Variants in CDK5RAP2 observed in about 807,000 individuals in gnomAD.
CDK5RAP2 encodes the protein CDK5 regulatory subunit associated protein 2.
A neutral mutation model predicts 232.9 loss-of-function variants in CDK5RAP2; 147 were observed. The ratio of observed to expected loss-of-function variants is 0.63; its 90% CI spans 0.55 to 0.72. CDK5RAP2 has a LOEUF of 0.72. CDK5RAP2 is among the 30% of genes least tolerant of loss of function. CDK5RAP2 has a pLI of 0.00. For synonymous variants in CDK5RAP2, 833 were observed against 833.7 expected, an observed-to-expected ratio of 1.00 and a Z score of 0.01; for missense variants, 2,195 against 2,231.5, an observed-to-expected ratio of 0.98 and a Z score of 0.33.
At chr9:120,478,505 C>T (rs186832926) in intron 14 of CDK5RAP2, among the ~76,000 whole-genome samples, 135 of 152,308 alleles carry the variant, frequency 8.9e-4, no homozygotes, top group African/African-American at 3.0e-3. Flanking sequence ...GGCACAGCGG[C>T]TCACACCTAT....
At chr9:120,540,125 T>C (rs1032122940) in intron 5 of CDK5RAP2, among the ~76,000 whole-genome samples, 1 of 152,176 alleles carries the variant, frequency 6.6e-6, no homozygotes, top group African/African-American at 2.4e-5. Flanking sequence ...TCTCTCCACA[T>C]GACCGGCAGT....
At position 120,471,784 on chromosome 9, in the gene CDK5RAP2, A is replaced by G; in HGVS notation, c.1822T>C (p.Leu608=). The G allele has an allele frequency of 6.2e-7, 1 of 1,614,092 alleles. No homozygotes were observed. The highest frequency in any genetic ancestry group is 2.2e-5 in the East Asian group (1 of 44,874). Residue 608 remains leucine, a synonymous_variant, in exon 16 of 38, where the codon TTG becomes CTG. Transcript: ENST00000349780. ...CGAATTTCGCTGATCTGCTCCTCCA[A>G]GGTCTTCCGCAAATTCTGATATGAA... ...VLSYQNLRKT[L]EEQISEIRRR...
At chr9:120,454,380 A>T (rs548912390) in intron 20 of CDK5RAP2, among the ~76,000 whole-genome samples, 85 of 152,328 alleles carry the variant, frequency 5.6e-4, no homozygotes, top group Non-Finnish European at 1.0e-3. Context: ...GGTGTTAATG[A>T]AGGGATATTT....
intron 12 of CDK5RAP2, among the ~76,000 whole-genome samples, chr9:120,516,332 C>A (rs1005000665): frequency 8.0e-6 from 1 of 125,570 alleles, no homozygotes; most frequent in Non-Finnish European, 1.5e-5. Flanking sequence ...CACATGGACA[C>A]AGGAAGGGGA....
At chr9:120,534,940 G>A (rs1465901053) in intron 7 of CDK5RAP2, among the ~76,000 whole-genome samples, 2 of 152,254 alleles carry the variant, frequency 1.3e-5, no homozygotes, top group East Asian at 1.9e-4. Context: ...TCACAGTCTA[G>A]TGGCTCCATG....
chr9:120,415,896 T>C (rs1271692597), intron 27 of CDK5RAP2, among the ~76,000 whole-genome samples: 1 of 152,148 alleles, frequency 6.6e-6, no homozygotes, highest in East Asian at 1.9e-4. Flanking sequence ...CTGAAGTAAC[T>C]CCAAATGTAA....
chr9:120,490,975 G>C (rs1224808461), intron 13 of CDK5RAP2, among the ~76,000 whole-genome samples: 1 of 152,196 alleles, frequency 6.6e-6, no homozygotes, highest in African/African-American at 2.4e-5. Flanking sequence ...GAATGAAAGA[G>C]CATGGTATAA....
chr9:120,547,134 A>G (rs1273992660), intron 4 of CDK5RAP2, among the ~76,000 whole-genome samples: 1 of 151,824 alleles, frequency 6.6e-6, no homozygotes, highest in Admixed American at 6.6e-5. Context: ...TATAGTAGGC[A>G]CCTGCAACCA....
chr9:120,435,470 T>TACACACACACAC lies in CDK5RAP2; in HGVS notation c.3955+1813_3955+1824dup, dbSNP rs55654634. 7.1e-3 allele frequency among the ~76,000 whole-genome samples: 1,048 copies of TACACACACACAC among 147,392 alleles called. 16 individuals are homozygous for TACACACACACAC. The highest frequency in any genetic ancestry group is 0.025 in the African/African-American group (986 of 39,980). ...TTTTTTAAAAAATAAATTACACATT[T>TACACACACACAC]ACACACACACACACACACACACACA... is the stretch of plus-strand genomic sequence containing the variant. On this transcript the variant is annotated intron_variant, in intron 25 of 37. Transcript: ENST00000349780.
chr9:120,533,428 C>T (rs2041242522), intron 7 of CDK5RAP2, among the ~76,000 whole-genome samples: 1 of 152,122 alleles, frequency 6.6e-6, no homozygotes, highest in Admixed American at 6.6e-5. Flanking sequence ...CTCCCTCCAC[C>T]CAAAAACATT....
At chr9:120,419,387 A>C (rs1006789203) in intron 27 of CDK5RAP2, among the ~76,000 whole-genome samples, 2 of 152,204 alleles carry the variant, frequency 1.3e-5, no homozygotes, top group African/African-American at 4.8e-5. Context: ...TTTATATAAA[A>C]ATATCAGAAC....
At chr9:120,423,483 G>T (rs1019990922) in intron 25 of CDK5RAP2, among the ~76,000 whole-genome samples, 4 of 152,170 alleles carry the variant, frequency 2.6e-5, no homozygotes, top group African/African-American at 4.8e-5. Flanking sequence ...CAGGGGAAAT[G>T]ATTTAAAAAA....
intron 5 of CDK5RAP2, among the ~76,000 whole-genome samples, chr9:120,544,641 CA>C (rs1359846410): frequency 6.6e-6 from 1 of 152,236 alleles, no homozygotes; most frequent in Non-Finnish European, 1.5e-5. Context: ...CTACCACACC[CA>C]GCAGGAACTC....
chr9:120,514,310 T>C (rs1365385136), intron 12 of CDK5RAP2, among the ~76,000 whole-genome samples: 1 of 152,102 alleles, frequency 6.6e-6, no homozygotes, highest in African/African-American at 2.4e-5. Context: ...TTTTTCTGGG[T>C]ACCCGCTCAT....
intron 12 of CDK5RAP2, chr9:120,518,026 C>A: frequency 4.1e-6 from 1 of 242,720 alleles, no homozygotes; most frequent in South Asian, 5.0e-5. Flanking sequence ...AACTGTAATA[C>A]ATCCAAGTGA....
chr9:120,542,178 C>T (rs2041660185), intron 5 of CDK5RAP2, among the ~76,000 whole-genome samples: 1 of 152,212 alleles, frequency 6.6e-6, no homozygotes, highest in African/African-American at 2.4e-5. Context: ...CCACCACAGA[C>T]ATACTGCTGG....
At chr9:120,436,254 T>G (rs986229567) in intron 25 of CDK5RAP2, among the ~76,000 whole-genome samples, 4 of 152,136 alleles carry the variant, frequency 2.6e-5, no homozygotes, top group African/African-American at 7.2e-5. Context: ...AATCTAATCA[T>G]GAATTGAGTC....
intron 16 of CDK5RAP2, among the ~76,000 whole-genome samples, chr9:120,470,645 A>AT (rs34808923): frequency 0.034 from 4,897 of 143,578 alleles, 247 homozygotes; most frequent in African/African-American, 0.11. Flanking sequence ...GTGTCTGATC[A>AT]TTTTTTTTTT....
chr9:120,442,763 A>C (rs1053222343), intron 23 of CDK5RAP2, among the ~76,000 whole-genome samples: 1 of 152,184 alleles, frequency 6.6e-6, no homozygotes, highest in African/African-American at 2.4e-5. Context: ...AAAGCCCAGA[A>C]CACGCAGAAG....
Sources: allele counts gnomAD v4.1 joint callset (sites outside exome capture counted in the v4.1 genomes callset), GRCh38; gene constraint gnomAD v4.1.1; transcripts MANE v1.5; gene names NCBI Gene and HGNC (gene_info 2026-07-23, HGNC 2026-07-21).